Variants in CERS6 observed in about 807,000 individuals in gnomAD.
CERS6 encodes the protein LAG1 homolog, ceramide synthase 6.
Under a neutral mutation model 56.8 loss-of-function variants are expected in CERS6, and 26 were observed. The ratio of observed to expected loss-of-function variants is 0.46; its 90% CI spans 0.34 to 0.63. The LOEUF is 0.63. Among genes scored for constraint, CERS6 ranks in the 30% least tolerant of loss-of-function variants. CERS6 has a pLI of 0.01. For missense variants in CERS6, 415 were observed against 467.5 expected (o/e 0.89, Z 1.04); for synonymous variants, 164 against 173.3 (o/e 0.95, Z 0.42).
chr2:168,568,401 A>G (rs577053448), intron 3 of CERS6, among the ~76,000 whole-genome samples: 25 of 152,324 alleles, frequency 1.6e-4, no homozygotes, highest in Admixed American at 4.6e-4. Context: ...TGCTTAATGT[A>G]TTTTAAAAGT....
intron 8 of CERS6, among the ~76,000 whole-genome samples, chr2:168,755,433 A>T (rs1217581984): frequency 6.6e-6 from 1 of 152,162 alleles, no homozygotes; most frequent in East Asian, 1.9e-4. Flanking sequence ...GACTCTCAGC[A>T]TGGAGGCATA....
At chr2:168,464,823 A>G (rs1693843126) in intron 1 of CERS6, among the ~76,000 whole-genome samples, 1 of 152,228 alleles carries the variant, frequency 6.6e-6, no homozygotes, top group Non-Finnish European at 1.5e-5. Context: ...CTAGGGAACT[A>G]CAAATCAAAA....
intron 8 of CERS6, among the ~76,000 whole-genome samples, chr2:168,754,702 C>T (rs115153235): frequency 0.014 from 2,153 of 152,312 alleles, 23 homozygotes; most frequent in African/African-American, 0.028. Flanking sequence ...TGAACATGAT[C>T]GCTTCTAAAC....
Position 168,520,598 on chromosome 2 carries a change from C to CTTTTTTT in CERS6, c.171-26975_171-26969dup, listed in dbSNP as rs150724635. On this transcript the variant is annotated intron_variant, in intron 1 of 9. Coordinates refer to ENST00000305747, the MANE Select transcript of CERS6 (RefSeq NM_203463.3). ...TTAACTCTTTAACATTTACAATATC[C>CTTTTTTT]TTTTTTTTTTTTTTTTTTTTTTTTT... 6.6e-3 allele frequency among the ~76,000 whole-genome samples: 380 copies of CTTTTTTT among 57,886 alleles called. 54 individuals carry two copies. Among genetic ancestry groups the CTTTTTTT allele is most frequent in the African/African-American group, 7.5e-3 (132 of 17,596 alleles). The allele number at this position is 57,886 out of a possible 152,430, so 38.0% of individuals were successfully genotyped here.
intron 4 of CERS6, among the ~76,000 whole-genome samples, chr2:168,646,073 G>A (rs1307394353): frequency 1.3e-5 from 2 of 152,166 alleles, no homozygotes; most frequent in Non-Finnish European, 2.9e-5. Flanking sequence ...GGATTGCTGG[G>A]TTAAATGGTA....
chr2:168,521,803 T>A (rs935433637), intron 1 of CERS6, among the ~76,000 whole-genome samples: 3 of 152,332 alleles, frequency 2.0e-5, no homozygotes, highest in African/African-American at 7.2e-5. Flanking sequence ...ACAGGAACAG[T>A]GGAAAGATCT....
chr2:168,700,471 C>T (rs558126875), intron 6 of CERS6, among the ~76,000 whole-genome samples: 4 of 152,176 alleles, frequency 2.6e-5, no homozygotes, highest in African/African-American at 7.2e-5. Flanking sequence ...CTACCATGAA[C>T]ACCATTGATT....
In CERS6 at chr2:168,672,116, G is replaced by A. The variant is rs73970096; in HGVS notation, c.466-18918G>A. ...TGTCATTGTCTCTTGCCTGTTTCCC[G>A]TTTAATGGTTGCCTCATGGATACAT... On this transcript the variant is annotated intron_variant, in intron 4 of 9. Transcript: ENST00000305747. Among the ~76,000 whole-genome samples, 924 of 152,258 alleles carry A rather than the reference G, an allele frequency of 6.1e-3. 8 individuals carry two copies. The highest frequency in any genetic ancestry group is 0.021 in the African/African-American group (871 of 41,542).
rs112158946 is a variant in CERS6, at chr2:168,713,969, A to T, written c.610-1032A>T. Among the ~76,000 whole-genome samples, 348 of 152,282 alleles carry T rather than the reference A, an allele frequency of 2.3e-3. 2 individuals are homozygous for T. Among genetic ancestry groups the T allele is most frequent in the African/African-American group, 8.0e-3 (333 of 41,556 alleles). The stretch of plus-strand genomic sequence containing the variant: ...TCCATTTGGGCTGCTGTGGCAAAAT[A>T]CTGTAGATTTGGAGTCCTGTAAACA... On this transcript the variant is annotated intron_variant, in intron 6 of 9. Transcript: ENST00000305747.
At position 168,679,264 on chromosome 2, in the gene CERS6, G is replaced by A. The variant is rs375652003; in HGVS notation, c.466-11770G>A. On this transcript the variant is annotated intron_variant, in intron 4 of 9. Coordinates refer to ENST00000305747, the MANE Select transcript of CERS6 (RefSeq NM_203463.3). ...TTCTGGGGCTCTATTGCAAAATAGGGCAACTATGCTTAACGGTAGGATATT... is the reference window on the plus strand; with the variant it reads ...TTCTGGGGCTCTATTGCAAAATAGGACAACTATGCTTAACGGTAGGATATT... Among the ~76,000 whole-genome samples the A allele has an allele frequency of 7.6e-4, 115 of 152,240 alleles. No homozygotes were observed. The Middle Eastern group carries it at 0.014, about 18-fold the overall frequency.
intron 8 of CERS6, among the ~76,000 whole-genome samples, chr2:168,746,799 A>G (rs1010091480): frequency 1.5e-4 from 16 of 107,298 alleles, no homozygotes; most frequent in East Asian, 1.4e-3. Context: ...ATATATATAT[A>G]TATATATATA....
intron 3 of CERS6, among the ~76,000 whole-genome samples, chr2:168,629,395 T>C (rs1298339278): frequency 6.6e-6 from 1 of 152,156 alleles, no homozygotes; most frequent in Non-Finnish European, 1.5e-5. Context: ...ACTGGAAGGA[T>C]TGGGAGGGAC....
intron 8 of CERS6, among the ~76,000 whole-genome samples, chr2:168,753,122 G>A (rs1684324830): frequency 1.3e-5 from 2 of 152,182 alleles, no homozygotes; most frequent in African/African-American, 4.8e-5. Flanking sequence ...TTGTGGATGA[G>A]GAAACAGGCT....
At chr2:168,626,281 G>A (rs1379352178) in intron 3 of CERS6, among the ~76,000 whole-genome samples, 7 of 152,094 alleles carry the variant, frequency 4.6e-5, no homozygotes, top group Admixed American at 2.6e-4. Context: ...TAAATCAAAC[G>A]GCCCTCGTAT....
At chr2:168,527,351 G>A (rs754978071) in intron 1 of CERS6, among the ~76,000 whole-genome samples, 2 of 152,164 alleles carry the variant, frequency 1.3e-5, no homozygotes, top group Non-Finnish European at 2.9e-5. Flanking sequence ...ATTTGTTGCA[G>A]TCGATTAACC....
chr2:168,533,105 A>G (rs1695196709), intron 1 of CERS6, among the ~76,000 whole-genome samples: 1 of 152,248 alleles, frequency 6.6e-6, no homozygotes, highest in Non-Finnish European at 1.5e-5. Flanking sequence ...AAATTTTAAA[A>G]GTACCTACAC....
At chr2:168,465,245 G>T (rs1254557620) in intron 1 of CERS6, among the ~76,000 whole-genome samples, 1 of 152,192 alleles carries the variant, frequency 6.6e-6, no homozygotes, top group Non-Finnish European at 1.5e-5. Context: ...GAAATTTATT[G>T]CTCACAGTTT....
chr2:168,642,806 A>G (rs1361014530), intron 4 of CERS6, among the ~76,000 whole-genome samples: 1 of 152,224 alleles, frequency 6.6e-6, no homozygotes, highest in Middle Eastern at 3.2e-3. Context: ...AATGACTTAC[A>G]TACTAGAGGA....
chr2:168,644,153 G>C (rs1401199438), intron 4 of CERS6: 32 of 967,682 alleles, frequency 3.3e-5, no homozygotes, highest in Non-Finnish European at 3.9e-5. Context: ...GGCAGCACAT[G>C]GTAAGTGCTG....
Sources: gnomAD v4.1 joint callset for allele counts (sites outside exome capture counted in the v4.1 genomes callset) on GRCh38, gnomAD v4.1.1 for gene constraint, MANE v1.5 for transcripts, NCBI Gene and HGNC (gene_info 2026-07-23, HGNC 2026-07-21) for gene names.